The following SEMA4F variants were observed in gnomAD, a reference collection of about 807,000 sequenced individuals.
SEMA4F encodes ssemaphorin 4F.
A neutral mutation model predicts 78.4 loss-of-function variants in SEMA4F; 51 were observed. The ratio of observed to expected loss-of-function variants is 0.65; its 90% CI spans 0.52 to 0.82. The LOEUF (loss-of-function observed/expected upper bound fraction) is 0.82. Ranked by LOEUF, SEMA4F falls within the 40% of genes least tolerant of loss-of-function variation. The pLI, the probability that SEMA4F is intolerant of heterozygous loss-of-function variation, is 0.00. For missense variants in SEMA4F, 938 were observed against 1,014.4 expected, an observed-to-expected ratio of 0.92 and a Z score of 1.02; for synonymous variants, 418 against 408.7, an observed-to-expected ratio of 1.02 and a Z score of -0.27.
Position 74,673,518 on chromosome 2 carries a change from A to G in SEMA4F, c.612A>G (p.Arg204=). ...TGGGGACGGAGCCAATTATCACCAG[A>G]GCAGTGGGTCGTGCCGAGGACTGGA... ...NYLGTEPIIT[R]AVGRAEDWIR... Residue 204 remains arginine (R), a synonymous_variant, in exon 6 of 14, where the codon AGA becomes AGG. Coordinates refer to ENST00000357877, the MANE Select transcript of SEMA4F (RefSeq NM_004263.5). 2 of 1,614,120 alleles carry G rather than the reference A, an allele frequency of 1.2e-6. No individual in the cohort carries two copies. Among genetic ancestry groups the G allele is most frequent in the Admixed American group, 1.7e-5 (1 of 60,026 alleles).
In SEMA4F at chr2:74,675,628, G is replaced by A; in HGVS notation, c.1476G>A (p.Leu492=). ...PEPQPVENMK[L]YHSWLLVGSR... The stretch of plus-strand genomic sequence containing the variant: ...CACAGCCAGTTGAGAACATGAAATT[G>A]TACCACGTGAGTTGTAGATTTTGGA... Residue 492 remains leucine, a synonymous_variant, in exon 11 of 14, where the codon TTG becomes TTA. Transcript: ENST00000357877. 6.2e-7 allele frequency: 1 copy of A among 1,614,046 alleles called. No individual in the cohort carries two copies. The highest frequency in any genetic ancestry group is 8.5e-7 in the Non-Finnish European group (1 of 1,179,876).
chr2:74,707,742 G>A, the SEMA4F span, among the ~76,000 whole-genome samples: 1 of 152,188 alleles, frequency 6.6e-6, no homozygotes, highest in Non-Finnish European at 1.5e-5. Context: ...CTAGGGCACA[G>A]TTCAGGAAGG....
intron 2 of SEMA4F, 119 bp downstream of exon 2, chr2:74,656,804 A>G (rs1684169519): frequency 2.7e-6 from 3 of 1,093,646 alleles, no homozygotes; most frequent in South Asian, 1.6e-5. Context: ...GGGTAGTAGG[A>G]GGGGGTGAGT....
intron 12 of SEMA4F, among the ~76,000 whole-genome samples, chr2:74,678,529 C>T (rs908551263): frequency 6.6e-6 from 1 of 152,210 alleles, no homozygotes; most frequent in African/African-American, 2.4e-5. Context: ...TCAGATGAGT[C>T]TGTGTTTGAT....
downstream of SEMA4F, among the ~76,000 whole-genome samples, chr2:74,688,251 G>A (rs192076025): frequency 6.6e-6 from 1 of 152,246 alleles, no homozygotes; most frequent in African/African-American, 2.4e-5. Context: ...ATCAACTTCC[G>A]AGAACTGGGT....
At chr2:74,676,394 C>G (rs1685283600) in intron 12 of SEMA4F, among the ~76,000 whole-genome samples, 4 of 152,174 alleles carry the variant, frequency 2.6e-5, no homozygotes, top group African/African-American at 9.7e-5. Context: ...CTTTCAATAC[C>G]ATCTGAGTGC....
chr2:74,662,769 G>C lies in SEMA4F; in HGVS notation c.494G>C (p.Ser165Thr). ...SRFQQVERLE[S>T]GRGKCPFEPA... is the part of the protein sequence containing the mutation. ...TTCCAGCAGGTTGAAAGACTTGAGA[G>C]TGGCCGGGGGAAATGTCCTTTTGAG... is the stretch of plus-strand genomic sequence containing the variant. The change falls in exon 5 of 14, where the codon AGT becomes ACT. Residue 165 changes from serine to threonine, a missense_variant. Ser to Thr is a moderately conservative substitution (Grantham distance 58). Coordinates refer to ENST00000357877, the MANE Select transcript of SEMA4F (RefSeq NM_004263.5). 1 of 1,614,160 alleles carries C rather than the reference G, an allele frequency of 6.2e-7. No homozygotes were observed.
At chr2:74,685,913 C>T (rs1035850339), downstream of SEMA4F, among the ~76,000 whole-genome samples, 5 of 151,960 alleles carry the variant, frequency 3.3e-5, no homozygotes, top group African/African-American at 7.2e-5. Flanking sequence ...ATGAACAGAC[C>T]CTTCTCAAAA....
chr2:74,678,062 A>C (rs1685389217), intron 12 of SEMA4F, among the ~76,000 whole-genome samples: 1 of 152,160 alleles, frequency 6.6e-6, no homozygotes, highest in South Asian at 2.1e-4. Context: ...CCAGCTTTGC[A>C]TTTTTGGTTA....
rs909914765 is a variant in SEMA4F, at chr2:74,660,447, C to A, written c.457-2285C>A. ...GGAAAGGTCCTTCCTATGCCTTAAA[C>A]TCCTCTTGGCCAAGGCCAAAGGACC... On this transcript the variant is annotated intron_variant, in intron 4 of 13. Coordinates refer to ENST00000357877, the MANE Select transcript of SEMA4F (RefSeq NM_004263.5). Among the ~76,000 whole-genome samples the A allele has an allele frequency of 2.6e-5, 4 of 152,244 alleles. No individual in the cohort carries two copies. The East Asian group carries it at 7.7e-4, about 29-fold the overall frequency.
At chr2:74,675,669 A>C in intron 11 of SEMA4F, 35 bp downstream of exon 11, 1 of 1,612,394 alleles carries the variant, frequency 6.2e-7, no homozygotes, top group Non-Finnish European at 8.5e-7. Flanking sequence ...TATTGGGGAG[A>C]CATCTGAGTC....
chr2:74,676,390 A>G (rs914055094), intron 12 of SEMA4F, among the ~76,000 whole-genome samples: 2 of 152,164 alleles, frequency 1.3e-5, no homozygotes, highest in African/African-American at 2.4e-5. Flanking sequence ...GTTACTTTCA[A>G]TACCATCTGA....
chr2:74,675,025 G>A lies in SEMA4F; in HGVS notation c.1139G>A (p.Arg380Lys). 1 of 1,614,022 alleles carries A rather than the reference G, an allele frequency of 6.2e-7. No individual in the cohort carries two copies. Among genetic ancestry groups the A allele is most frequent in the Non-Finnish European group, 8.5e-7 (1 of 1,180,028 alleles). Reference protein sequence around the residue: ...PVVDNDVPQPRPGECITNNMK... With the variant: ...PVVDNDVPQPKPGECITNNMK... ...GTGGACAATGATGTGCCCCAGCCCA[G>A]ACCTGGAGAGGTGAGGGGGCAGATC... The change falls in exon 9 of 14, where the codon AGA (arginine) becomes AAA (lysine). Residue 380 changes from arginine to lysine, a missense_variant. Arg to Lys is a conservative substitution (Grantham distance 26). Coordinates refer to ENST00000357877, the MANE Select transcript of SEMA4F (RefSeq NM_004263.5).
chr2:74,658,172 G>A lies in SEMA4F; in HGVS notation c.456+221G>A, dbSNP rs1684256084. On this transcript the variant is annotated intron_variant, in intron 4 of 13. Coordinates refer to ENST00000357877, the MANE Select transcript of SEMA4F (RefSeq NM_004263.5). The surrounding 1 kb of genome is among the most constrained non-coding windows in gnomAD (Gnocchi z 4.3). ...AGGGAAAGGGAGGTTGTCTGGAGAG[G>A]GTAAGATATACAAAGTGTGAAGAGA... 6.6e-6 allele frequency among the ~76,000 whole-genome samples: 1 copy of A among 152,136 alleles called. No homozygotes were observed. The highest frequency in any genetic ancestry group is 2.4e-5 in the African/African-American group (1 of 41,408).
chr2:74,656,172 C>A (rs1684125285), intron 1 of SEMA4F, among the ~76,000 whole-genome samples: 1 of 151,934 alleles, frequency 6.6e-6, no homozygotes, highest in African/African-American at 2.4e-5. Context: ...CCTTGCCTGG[C>A]TAATTTTTTG....
intron 12 of SEMA4F, among the ~76,000 whole-genome samples, chr2:74,678,824 AC>A (rs1189964904): frequency 2.0e-5 from 3 of 152,174 alleles, no homozygotes; most frequent in African/African-American, 7.2e-5. Context: ...ACAAGAAGTC[AC>A]CTCACTGACC....
the SEMA4F span, among the ~76,000 whole-genome samples, chr2:74,693,212 C>T: frequency 6.6e-6 from 1 of 152,218 alleles, no homozygotes; most frequent in African/African-American, 2.4e-5. Context: ...TATCATCATC[C>T]TGCATAGGAT....
At chr2:74,707,176 A>G in the SEMA4F span, among the ~76,000 whole-genome samples, 2 of 152,252 alleles carry the variant, frequency 1.3e-5, no homozygotes, top group Non-Finnish European at 1.5e-5. Context: ...TATATATTGT[A>G]TAATAGTTTG....
chr2:74,675,535 C>T lies in SEMA4F; in HGVS notation c.1383C>T (p.His461=), dbSNP rs746986353. The change falls in exon 11 of 14, where the codon CAC becomes CAT. Residue 461 remains histidine (H), a synonymous_variant. Transcript: ENST00000357877. ...DVLYLGTEDG[H]LHRAVRIGAQ... is the part of the protein sequence containing the mutation. ...TTTCCTGTCCCCTAGAGGATGGACACCTCCACCGAGCAGTGCGGATCGGAG... is the reference window on the plus strand; with the variant it reads ...TTTCCTGTCCCCTAGAGGATGGACATCTCCACCGAGCAGTGCGGATCGGAG... The T allele has an allele frequency of 1.2e-6, 2 of 1,613,996 alleles. No homozygotes were observed. The highest frequency in any genetic ancestry group is 1.1e-5 in the South Asian group (1 of 91,084).
Sources: gnomAD v4.1 joint callset for allele counts (sites outside exome capture counted in the v4.1 genomes callset) on GRCh38, gnomAD v4.1.1 for gene constraint, Gnocchi (gnomAD v3.1) non-coding constraint, MANE v1.5 for transcripts, NCBI Gene and HGNC (gene_info 2026-07-23, HGNC 2026-07-21) for gene names.